Variants in MORN1 observed in about 807,000 individuals in gnomAD.
MORN1 encodes MORN repeat-containing protein 1.
Under a neutral mutation model 61.9 loss-of-function variants are expected in MORN1, and 67 were observed. The observed-to-expected ratio is 1.08, with a 90% confidence interval of 0.89 to 1.33. The LOEUF (loss-of-function observed/expected upper bound fraction) is 1.33, where lower values mean the gene tolerates loss of function less well. Ranked by LOEUF, MORN1 falls within the 40% of genes most tolerant of loss-of-function variation. The pLI is 0.00. For synonymous variants in MORN1, 301 were observed against 292.0 expected (o/e 1.03, Z -0.31); for missense variants, 752 against 691.2 (o/e 1.09, Z -0.99).
intron 10 of MORN1, chr1:2,355,345 T>C (rs1471213389): frequency 1.3e-6 from 2 of 1,521,946 alleles, no homozygotes; most frequent in Non-Finnish European, 1.8e-6. Context: ...CGCCGGGCCC[T>C]GCTGCCCCAC....
chr1:2,322,858 G>T (rs1348474158), intron 13 of MORN1: 5 of 985,444 alleles, frequency 5.1e-6, no homozygotes, highest in Non-Finnish European at 6.0e-6. Flanking sequence ...CCGGCGGATG[G>T]GAAGGGTGGG....
intron 10 of MORN1, among the ~76,000 whole-genome samples, chr1:2,353,927 G>A (rs1641705032): frequency 6.6e-6 from 1 of 152,248 alleles, no homozygotes; most frequent in Non-Finnish European, 1.5e-5. Context: ...ATCATGGTTG[G>A]GAAGCAGCAA....
At chr1:2,323,413 A>G (rs894495948) in intron 13 of MORN1, 3 of 985,238 alleles carry the variant, frequency 3.0e-6, no homozygotes, top group Admixed American at 6.2e-5. Flanking sequence ...AGGGTCATTC[A>G]TGTTGGCCCA....
intron 8 of MORN1, among the ~76,000 whole-genome samples, chr1:2,369,720 A>G (rs1410396094): frequency 1.3e-5 from 2 of 152,130 alleles, no homozygotes; most frequent in African/African-American, 4.8e-5. Context: ...GAAATAATTA[A>G]TAAAATAATT....
At chr1:2,388,547 C>A in intron 2 of MORN1, 1 of 520,122 alleles carries the variant, frequency 1.9e-6, no homozygotes, top group South Asian at 2.3e-5. Flanking sequence ...GCGCCTTCAG[C>A]CAGAACAAGC....
chr1:2,331,078 C>T (rs1641138594), intron 12 of MORN1, among the ~76,000 whole-genome samples: 1 of 152,100 alleles, frequency 6.6e-6, no homozygotes, highest in East Asian at 1.9e-4. Context: ...CGTGCGGGGC[C>T]CTCATGTCTG....
chr1:2,344,813 G>A (rs1408008961), intron 10 of MORN1, among the ~76,000 whole-genome samples: 1 of 152,224 alleles, frequency 6.6e-6, no homozygotes, highest in Admixed American at 6.5e-5. Flanking sequence ...GACCTTGGGG[G>A]CCACCTCCAC....
At chr1:2,329,506 G>A (rs968059389) in intron 12 of MORN1, among the ~76,000 whole-genome samples, 3 of 152,138 alleles carry the variant, frequency 2.0e-5, no homozygotes, top group East Asian at 3.9e-4. Flanking sequence ...CCAGCCCCCC[G>A]CCTGCGGGAC....
Position 2,378,889 on chromosome 1 carries a change from G to A in MORN1, c.538-4332C>T, listed in dbSNP as rs935619152. On this transcript the variant is annotated intron_variant, in intron 6 of 13. Coordinates refer to ENST00000378531, the MANE Select transcript of MORN1 (RefSeq NM_024848.3). ...GTGGCCCAGGACCTCTGTGGCTTCCGGGACCGGCCTGAGCCGCGTGGCTCC... is the reference window on the plus strand; with the variant it reads ...GTGGCCCAGGACCTCTGTGGCTTCCAGGACCGGCCTGAGCCGCGTGGCTCC... The A allele has an allele frequency of 9.2e-5, 42 of 454,160 alleles. 1 individual carries two copies. The highest frequency in any genetic ancestry group is 6.6e-4 in the African/African-American group (33 of 50,060). 28.1% of individuals were successfully genotyped at this position (454,160 alleles called of 1,614,324 possible).
At chr1:2,352,332 T>G in intron 10 of MORN1, 1 of 160,986 alleles carries the variant, frequency 6.2e-6, no homozygotes. Flanking sequence ...AGTGGCAGAA[T>G]AGGCAACAGG....
intron 10 of MORN1, among the ~76,000 whole-genome samples, chr1:2,342,840 A>ATATTT (rs768672830): frequency 0.072 from 7,308 of 101,842 alleles, 436 homozygotes; most frequent in South Asian, 0.17. Flanking sequence ...ATTTTATTTT[A>ATATTT]TATTTTATTT....
chr1:2,383,321 G>A (rs759295574), intron 6 of MORN1, among the ~76,000 whole-genome samples: 5 of 152,178 alleles, frequency 3.3e-5, no homozygotes, highest in Non-Finnish European at 5.9e-5. Context: ...TCTGGCAAGC[G>A]TCTCCTGCAC....
Position 2,387,399 on chromosome 1 carries a change from G to A in MORN1, c.358+20C>T, listed in dbSNP as rs568540163. 32 of 1,587,842 alleles carry A rather than the reference G, an allele frequency of 2.0e-5. No individual in the cohort carries two copies. The highest frequency in any genetic ancestry group is 8.1e-5 in the African/African-American group (6 of 74,502). On this transcript the variant is annotated intron_variant, in intron 4 of 13. Transcript: ENST00000378531. ...GAAAGCGCCCACCCTCACAGCACCC[G>A]GCTCCTGTGGGCGCCAGACCTTCCC...
intron 6 of MORN1, among the ~76,000 whole-genome samples, chr1:2,380,377 C>T (rs191105622): frequency 5.9e-4 from 90 of 152,286 alleles, no homozygotes; most frequent in Admixed American, 3.1e-3. Flanking sequence ...CAGCGGCTCA[C>T]GCCTGAAATC....
chr1:2,385,680 C>G, intron 5 of MORN1, 127 bp downstream of exon 5: 1 of 782,646 alleles, frequency 1.3e-6, no homozygotes, highest in Admixed American at 2.1e-5. Flanking sequence ...GGCGGGTAGA[C>G]AGCAGGGGCC....
intron 12 of MORN1, chr1:2,332,753 C>A (rs1274010785): frequency 6.6e-6 from 3 of 456,430 alleles, no homozygotes; most frequent in South Asian, 4.6e-5. Context: ...CTGTTGGGAT[C>A]CTGGGAGGGG....
chr1:2,344,678 G>A (rs1454776596), intron 10 of MORN1, among the ~76,000 whole-genome samples: 1 of 152,214 alleles, frequency 6.6e-6, no homozygotes, highest in African/African-American at 2.4e-5. Context: ...TCCCTGCGCT[G>A]CACAGATGGG....
intron 8 of MORN1, among the ~76,000 whole-genome samples, chr1:2,360,095 C>T (rs118145376): frequency 1.2e-3 from 176 of 152,298 alleles, no homozygotes; most frequent in African/African-American, 4.0e-3. Flanking sequence ...CCAATCATCA[C>T]GGATGATGTA....
intron 8 of MORN1, chr1:2,363,769 G>A (rs57840322): frequency 0.67 from 91,497 of 136,252 alleles, 31,862 homozygotes; most frequent in African/African-American, 0.86. Context: ...TCTCAAAAAA[G>A]AAAAAATCAG....
Sources: allele counts gnomAD v4.1 joint callset (sites outside exome capture counted in the v4.1 genomes callset), GRCh38; gene constraint gnomAD v4.1.1; transcripts MANE v1.5; gene names NCBI Gene and HGNC (gene_info 2026-07-23, HGNC 2026-07-21).